SGK1: variants seen among roughly 807,000 people sequenced by gnomAD.
The protein encoded by SGK1 is serine/threonine-protein kinase Sgk1.
SGK1 carries 26 observed loss-of-function variants against 64.2 expected under a neutral mutation model. The observed-to-expected ratio is 0.40, with a 90% CI of 0.30 to 0.56. SGK1 has a LOEUF of 0.56. Among genes scored for constraint, SGK1 ranks in the 20% least tolerant of loss-of-function variants. SGK1 has a pLI of 0.38. For synonymous variants in SGK1, 265 were observed against 239.7 expected, an observed-to-expected ratio of 1.11 and a Z score of -0.98; for missense variants, 519 against 645.6, an observed-to-expected ratio of 0.80 and a Z score of 2.12.
intron 2 of SGK1, among the ~76,000 whole-genome samples, chr6:134,236,079 A>G (rs17063538): frequency 0.09 from 13,647 of 151,948 alleles, 696 homozygotes; most frequent in African/African-American, 0.13. Context: ...TGATTCTATT[A>G]GTTCTTGACT....
chr6:134,217,098 AC>A (rs1215349848), intron 2 of SGK1, among the ~76,000 whole-genome samples: 1 of 152,190 alleles, frequency 6.6e-6, no homozygotes, highest in Non-Finnish European at 1.5e-5. Context: ...GGATCAGGGG[AC>A]TGCTATAACA....
rs149553663 is a variant in SGK1 at position 134,174,153 on chromosome 6, T to C, written c.438-73A>G. ...GGCACACCAACATCAAAAGTGAGTTTCTGGCTCTACCGACTTCTACCCGGA... is the reference window on the plus strand; with the variant it reads ...GGCACACCAACATCAAAAGTGAGTTCCTGGCTCTACCGACTTCTACCCGGA... On this transcript the variant is annotated intron_variant, in intron 4 of 13. Coordinates refer to ENST00000367858, the MANE Select transcript of SGK1 (RefSeq NM_001143676.3). The C allele has an allele frequency of 4.6e-6, 5 of 1,087,580 alleles. No homozygotes were observed. In the African/African-American group the frequency reaches 7.9e-5, roughly 17 times the overall value. The allele number at this position is 1,087,580 out of a possible 1,614,324, so 67.4% of individuals were successfully genotyped here. A position where few individuals can be genotyped will look rare whatever the true frequency, so the allele number is the denominator to read the frequency against.
intron 2 of SGK1, among the ~76,000 whole-genome samples, chr6:134,213,643 T>TAAATAAATAAATAAAA (rs11409950): frequency 1.8e-4 from 5 of 27,884 alleles, no homozygotes; most frequent in Non-Finnish European, 4.0e-4. Flanking sequence ...AATAAATAAA[T>TAAATAAATAAATAAAA]AATAAATAAA....
intron 3 of SGK1, among the ~76,000 whole-genome samples, chr6:134,179,595 CTATT>C (rs888898393): frequency 4.8e-5 from 7 of 145,540 alleles, no homozygotes; most frequent in Non-Finnish European, 1.0e-4. Flanking sequence ...ATTTAAATGT[CTATT>C]TATAGACACA....
chr6:134,317,392 C>T lies in SGK1; in HGVS notation c.69G>A (p.Arg23=), dbSNP rs199997341. ...KCSAFQFFKK[R]VRRWIKSPMV... ...AGAAATAAGCAAAACCTGTCCTTAC[C>T]CGCTTCTTAAAAAATTGGAAGGCTG... Residue 23 remains arginine (R), a splice_region_variant and synonymous_variant, in exon 1 of 14, where the codon CGG becomes CGA. Transcript: ENST00000367858. The T allele has an allele frequency of 2.7e-4, 427 of 1,586,228 alleles. 1 individual carries two copies. Among genetic ancestry groups the T allele is most frequent in the South Asian group, 1.8e-3 (159 of 90,530 alleles).
intron 1 of SGK1, among the ~76,000 whole-genome samples, chr6:134,316,700 C>T (rs1422796262): frequency 2.5e-5 from 3 of 120,078 alleles, no homozygotes; most frequent in Non-Finnish European, 4.8e-5. Context: ...AGCAACATAA[C>T]CCTGAATTAT....
intron 2 of SGK1, among the ~76,000 whole-genome samples, chr6:134,246,840 G>A (rs745684033): frequency 1.3e-5 from 2 of 152,000 alleles, no homozygotes; most frequent in East Asian, 1.9e-4. Context: ...TGACCCACTC[G>A]CCTCCAACTC....
chr6:134,198,726 A>ATTTTTTTTTTTTTTTTTTTTTTTTTT (rs1178699258), intron 3 of SGK1, among the ~76,000 whole-genome samples: 1 of 101,780 alleles, frequency 9.8e-6, no homozygotes, highest in African/African-American at 3.7e-5. Flanking sequence ...CTCTTTTTCT[A>ATTTTTTTTTTTTTTTTTTTTTTTTTT]TTTTTTTTTT....
chr6:134,224,992 C>G (rs1776147118), intron 2 of SGK1, among the ~76,000 whole-genome samples: 1 of 140,072 alleles, frequency 7.1e-6, no homozygotes, highest in South Asian at 2.3e-4. Context: ...TGCATTCCAG[C>G]CTGGAGACTC....
chr6:134,170,862 A>G lies in SGK1; in HGVS notation c.1377T>C (p.Ile459=), dbSNP rs1184265872. The change falls in exon 13 of 14, where the codon ATT becomes ATC. Residue 459 remains isoleucine, a synonymous_variant. Transcript: ENST00000367858. ...FFSLINWDDL[I]NKKITPPFNP... ...TAAAAGGGGGAGTAATCTTCTTATT[A>G]ATGAGATCATCCCAGTTAATTAAGG... The G allele has an allele frequency of 2.1e-5, 34 of 1,611,184 alleles. No individual in the cohort carries two copies. Among genetic ancestry groups the G allele is most frequent in the Non-Finnish European group, 2.9e-5 (34 of 1,177,414 alleles).
At chr6:134,221,487 T>C (rs1776089931) in intron 2 of SGK1, among the ~76,000 whole-genome samples, 1 of 152,138 alleles carries the variant, frequency 6.6e-6, no homozygotes, top group Non-Finnish European at 1.5e-5. Context: ...TGGCACCTTC[T>C]CAGTGAAGGC....
In SGK1 at chr6:134,245,021, C is replaced by T. The variant is rs1264564947; in HGVS notation, c.285+16912G>A. On this transcript the variant is annotated intron_variant, in intron 2 of 13. Coordinates refer to ENST00000367858, the MANE Select transcript of SGK1 (RefSeq NM_001143676.3). ...GAACTCCTGACCTCAGGTGATCCAC[C>T]CGCCTTGGCCTCCCAAAGTGCTGGG... 3.3e-5 allele frequency among the ~76,000 whole-genome samples: 5 copies of T among 152,320 alleles called. 1 individual carries two copies. In the East Asian group the frequency reaches 5.8e-4, roughly 18 times the overall value.
intron 1 of SGK1, among the ~76,000 whole-genome samples, chr6:134,299,969 A>G (rs7763911): frequency 0.13 from 19,781 of 152,104 alleles, 1,595 homozygotes; most frequent in African/African-American, 0.22. Context: ...GAGAGAGAGA[A>G]AAAAAACACA....
At chr6:134,197,555 G>C (rs928482540) in intron 3 of SGK1, among the ~76,000 whole-genome samples, 1 of 152,102 alleles carries the variant, frequency 6.6e-6, no homozygotes, top group Non-Finnish European at 1.5e-5. Flanking sequence ...GCCGGGCGTG[G>C]TGGTTCACAC....
At position 134,174,525 on chromosome 6, in the gene SGK1, G is replaced by A. The variant is rs745590345; in HGVS notation, c.423C>T (p.Ser141=). The A allele has an allele frequency of 6.2e-7, 1 of 1,612,726 alleles. No individual in the cohort carries two copies. Among genetic ancestry groups the A allele is most frequent in the South Asian group, 1.1e-5 (1 of 91,042 alleles). ...NDFIQKIANN[S]YACKHPEVQS... ...GTCAAACTTACTGTTTGCATGCATA[G>A]GAGTTATTGGCAATCTTCTGAATAA... Residue 141 remains serine (S), a synonymous_variant, in exon 4 of 14, where the codon TCC becomes TCT. Coordinates refer to ENST00000367858, the MANE Select transcript of SGK1 (RefSeq NM_001143676.3).
At chr6:134,187,028 C>G (rs1775436272) in intron 3 of SGK1, among the ~76,000 whole-genome samples, 1 of 152,100 alleles carries the variant, frequency 6.6e-6, no homozygotes, top group Non-Finnish European at 1.5e-5. Context: ...GTAGGTCAAG[C>G]TGGTCTCGAA....
intron 11 of SGK1, 139 bp from the exon 12 acceptor site, chr6:134,171,317 C>A: frequency 1.2e-6 from 1 of 832,262 alleles, no homozygotes; most frequent in East Asian, 2.5e-5. Flanking sequence ...CTTTCTTTTC[C>A]CTTGCTATTT....
intron 1 of SGK1, among the ~76,000 whole-genome samples, chr6:134,308,053 A>ATTTTT (rs1411118069): frequency 6.6e-6 from 1 of 152,088 alleles, no homozygotes; most frequent in African/African-American, 2.4e-5. Flanking sequence ...TTCTTTTTTA[A>ATTTTT]TGTCTTTATT....
At chr6:134,258,901 C>G (rs912185085) in intron 2 of SGK1, among the ~76,000 whole-genome samples, 4 of 151,902 alleles carry the variant, frequency 2.6e-5, no homozygotes, top group Non-Finnish European at 4.4e-5. Flanking sequence ...GGTGGGACCA[C>G]TGCTTGAGCC....
Sources: allele counts gnomAD v4.1 joint callset (sites outside exome capture counted in the v4.1 genomes callset), GRCh38; gene constraint gnomAD v4.1.1; transcripts MANE v1.5; gene names NCBI Gene and HGNC (gene_info 2026-07-23, HGNC 2026-07-21).